The following HDAC4 variants were observed in gnomAD, a reference collection of about 807,000 sequenced individuals.
HDAC4 encodes the protein histone deacetylase A.
In HDAC4, 16 loss-of-function variants were observed where a neutral mutation model predicts 135.1. That is an observed-to-expected ratio of 0.12 (90% confidence interval 0.08 to 0.18). HDAC4 has a LOEUF of 0.18. Ranked by LOEUF, HDAC4 falls within the 10% of genes least tolerant of loss-of-function variation. The pLI, the probability that HDAC4 is intolerant of heterozygous loss-of-function variation, is 1.00. For missense variants in HDAC4, 1,143 were observed against 1,511.8 expected (o/e 0.76, Z 4.05); for synonymous variants, 685 against 653.4 (o/e 1.05, Z -0.74).
chr2:239,080,384 G>A (rs757851311), intron 22 of HDAC4, among the ~76,000 whole-genome samples: 1 of 152,232 alleles, frequency 6.6e-6, no homozygotes, highest in African/African-American at 2.4e-5. Context: ...TTCTCCTCAC[G>A]TGGCTCTGGG....
chr2:239,355,045 C>T (rs1444445303), intron 1 of HDAC4, among the ~76,000 whole-genome samples: 1 of 152,040 alleles, frequency 6.6e-6, no homozygotes, highest in Non-Finnish European at 1.5e-5. Flanking sequence ...GGGGCCGAGT[C>T]TTGATGTTGT....
intron 3 of HDAC4, among the ~76,000 whole-genome samples, chr2:239,217,712 A>C (rs969753521): frequency 1.3e-5 from 2 of 152,194 alleles, no homozygotes; most frequent in African/African-American, 4.8e-5. Context: ...GAAGGAAAAG[A>C]AACCACACAC....
At chr2:239,324,001 G>C (rs959973967) in intron 2 of HDAC4, among the ~76,000 whole-genome samples, 1 of 152,182 alleles carries the variant, frequency 6.6e-6, no homozygotes, top group African/African-American at 2.4e-5. Context: ...GCATCTGAAC[G>C]GGACCACATG....
At chr2:239,127,426 A>G (rs2040268729) in intron 11 of HDAC4, among the ~76,000 whole-genome samples, 1 of 152,108 alleles carries the variant, frequency 6.6e-6, no homozygotes, top group Non-Finnish European at 1.5e-5. Flanking sequence ...AGTGAAGTAC[A>G]TTTTTTCCTT....
At chr2:239,363,810 C>A (rs537983567) in intron 1 of HDAC4, among the ~76,000 whole-genome samples, 1 of 152,290 alleles carries the variant, frequency 6.6e-6, no homozygotes, top group South Asian at 2.1e-4. Flanking sequence ...AGAGACCCTG[C>A]CACACATACA....
intron 24 of HDAC4, among the ~76,000 whole-genome samples, chr2:239,064,622 G>A (rs996600147): frequency 2.0e-5 from 3 of 152,176 alleles, no homozygotes; most frequent in Non-Finnish European, 2.9e-5. Context: ...CGGCTTCCTC[G>A]GCTAAAGCAG....
At chr2:239,102,649 G>T in intron 16 of HDAC4, 127 bp downstream of exon 16, 1 of 1,041,350 alleles carries the variant, frequency 9.6e-7, no homozygotes, top group Non-Finnish European at 1.5e-6. Context: ...TTCCCTTTCA[G>T]GCCCTTTACC....
intron 17 of HDAC4, among the ~76,000 whole-genome samples, chr2:239,092,714 C>A (rs931542801): frequency 4.6e-5 from 7 of 152,186 alleles, no homozygotes; most frequent in African/African-American, 1.4e-4. Context: ...CAGGGACCAG[C>A]CTGGAGCTCC....
intron 24 of HDAC4, among the ~76,000 whole-genome samples, chr2:239,063,129 T>A (rs903909160): frequency 6.6e-6 from 1 of 151,968 alleles, no homozygotes; most frequent in African/African-American, 2.4e-5. Context: ...CACCCAGGGG[T>A]CTTGCTCTGT....
chr2:239,125,367 C>T (rs1386580224), intron 12 of HDAC4, among the ~76,000 whole-genome samples: 1 of 152,192 alleles, frequency 6.6e-6, no homozygotes, highest in African/African-American at 2.4e-5. Context: ...CCTTCGCCTA[C>T]CACAGTTGAA....
At chr2:239,171,361 T>C (rs1304615416) in intron 5 of HDAC4, among the ~76,000 whole-genome samples, 1 of 151,904 alleles carries the variant, frequency 6.6e-6, no homozygotes, top group Non-Finnish European at 1.5e-5. Flanking sequence ...AAATGTAAAA[T>C]CCAATGGATG....
intron 5 of HDAC4, among the ~76,000 whole-genome samples, chr2:239,166,371 G>A (rs150037019): frequency 6.6e-6 from 1 of 152,266 alleles, no homozygotes; most frequent in East Asian, 1.9e-4. Context: ...CTGTCGGTCT[G>A]AGAAAATCAT....
chr2:239,116,581 C>T (rs538637468), intron 12 of HDAC4, among the ~76,000 whole-genome samples: 122 of 152,352 alleles, frequency 8.0e-4, no homozygotes, highest in Middle Eastern at 3.4e-3. Flanking sequence ...CCACCTCCAG[C>T]GTCAACGCTT....
rs1489981744 is a variant in HDAC4 at position 239,307,765 on chromosome 2, G to T, written c.22+44913C>A. Among the ~76,000 whole-genome samples the T allele has an allele frequency of 6.6e-6, 1 of 152,174 alleles. No homozygotes were observed. Among genetic ancestry groups the T allele is most frequent in the Admixed American group, 6.5e-5 (1 of 15,284 alleles). On this transcript the variant is annotated intron_variant, in intron 2 of 26. Transcript: ENST00000543185. This position sits in a 1 kb window ranked among gnomAD's most constrained non-coding sequence, Gnocchi z 4.8. ...GTTCTCTTTTAGAACAAGCAAAATG[G>T]AATGAGGATGTCGGAGTGTTTCGTG...
chr2:239,261,292 C>T (rs565654801), intron 2 of HDAC4, among the ~76,000 whole-genome samples: 5 of 152,176 alleles, frequency 3.3e-5, no homozygotes, highest in Admixed American at 2.6e-4. Flanking sequence ...AGAATGTACA[C>T]GAGCCCAGGT....
chr2:239,198,562 T>A (rs1475268338), intron 3 of HDAC4, among the ~76,000 whole-genome samples: 1 of 152,140 alleles, frequency 6.6e-6, no homozygotes, highest in Non-Finnish European at 1.5e-5. Context: ...GCAGAGGCGC[T>A]CAGGATCATA....
chr2:239,262,804 G>A lies in HDAC4; in HGVS notation c.23-26140C>T, dbSNP rs182988306. Among the ~76,000 whole-genome samples the A allele has an allele frequency of 8.5e-5, 13 of 152,330 alleles. No individual in the cohort carries two copies. The highest frequency in any genetic ancestry group is 7.4e-5 in the Non-Finnish European group (5 of 68,016). On this transcript the variant is annotated intron_variant, in intron 2 of 26. Transcript: ENST00000543185. The surrounding 1 kb of genome is among the most constrained non-coding windows in gnomAD (Gnocchi z 4.1). Reference sequence around the variant, plus strand: ...GCCTGTGCTCAGGCACTAAGGACACGGAGGGACTGTTCTGGGATCCACCCA... The same window carrying A: ...GCCTGTGCTCAGGCACTAAGGACACAGAGGGACTGTTCTGGGATCCACCCA...
intron 8 of HDAC4, among the ~76,000 whole-genome samples, chr2:239,142,074 A>C (rs953796420): frequency 6.6e-5 from 10 of 152,108 alleles, no homozygotes; most frequent in African/African-American, 2.4e-4. Flanking sequence ...GCAGAGTGAG[A>C]GAACTCAGGT....
At chr2:239,055,959 C>A (rs1004766235) in intron 24 of HDAC4, among the ~76,000 whole-genome samples, 2 of 152,164 alleles carry the variant, frequency 1.3e-5, no homozygotes. Flanking sequence ...CGCACGACGA[C>A]GTGTCAAACA....
Sources: allele counts gnomAD v4.1 joint callset (sites outside exome capture counted in the v4.1 genomes callset), GRCh38; gene constraint gnomAD v4.1.1; non-coding constraint Gnocchi (gnomAD v3.1); transcripts MANE v1.5; gene names NCBI Gene and HGNC (gene_info 2026-07-23, HGNC 2026-07-21).